The following CRBN variants were observed in gnomAD, a reference collection of about 807,000 sequenced individuals.
The protein encoded by CRBN is protein cereblon.
Under a neutral mutation model 62.2 loss-of-function variants are expected in CRBN, and 53 were observed. That is an observed-to-expected ratio of 0.85 (90% CI 0.68 to 1.07). The LOEUF is 1.07. Ranked by LOEUF, CRBN falls within the 50% of genes least tolerant of loss-of-function variation. CRBN has a pLI of 0.00. For synonymous variants in CRBN, 208 were observed against 176.1 expected (o/e 1.18, Z -1.43); for missense variants, 616 against 531.1 (o/e 1.16, Z -1.57).
At chr3:3,166,100 GT>G (rs1284656280) in intron 5 of CRBN, among the ~76,000 whole-genome samples, 1 of 152,088 alleles carries the variant, frequency 6.6e-6, no homozygotes, top group East Asian at 1.9e-4. Context: ...GTATTGCACG[GT>G]GATATGATCT....
At chr3:3,153,078 T>C (rs1706696362) in intron 9 of CRBN, 1 of 309,162 alleles carries the variant, frequency 3.2e-6, no homozygotes, top group Admixed American at 4.8e-5. Flanking sequence ...TTTGGCCCTA[T>C]ATGGCAAAAC....
intron 1 of CRBN, among the ~76,000 whole-genome samples, chr3:3,175,576 A>G (rs2126069635): frequency 6.6e-6 from 1 of 152,278 alleles, no homozygotes; most frequent in Non-Finnish European, 1.5e-5. Flanking sequence ...AGTATGGTAC[A>G]TTTGCCACAA....
At position 3,173,403 on chromosome 3, in the gene CRBN, T is replaced by G. The variant is rs144533372; in HGVS notation, c.378-478A>C. On this transcript the variant is annotated intron_variant, in intron 3 of 10. Coordinates refer to ENST00000231948, the MANE Select transcript of CRBN (RefSeq NM_016302.4). Reference sequence around the variant, plus strand: ...CACATGGGGGATATACAAGAAGGACTCAGGAAGTACAATTAGAGAACTTTA... The same window carrying G: ...CACATGGGGGATATACAAGAAGGACGCAGGAAGTACAATTAGAGAACTTTA... Among the ~76,000 whole-genome samples the G allele has an allele frequency of 8.5e-5, 13 of 152,270 alleles. No individual in the cohort carries two copies. In the East Asian group the frequency reaches 2.5e-3, roughly 29 times the overall value.
At chr3:3,178,957 G>C (rs1264949510) in intron 1 of CRBN, among the ~76,000 whole-genome samples, 1 of 151,220 alleles carries the variant, frequency 6.6e-6, no homozygotes, top group African/African-American at 2.4e-5. Context: ...ACAGGAAAAA[G>C]AAAAACTAAG....
intron 5 of CRBN, 106 bp downstream of exon 5, chr3:3,167,528 A>T (rs1164895126): frequency 9.1e-7 from 1 of 1,094,682 alleles, no homozygotes; most frequent in Admixed American, 1.9e-5. Context: ...ATTGCCATAC[A>T]AGGTGGCTGG....
rs760971031 is a variant in CRBN at position 3,156,201 on chromosome 3, T to G, written c.750+18A>C. ...ATGGCCTACCATATATAAAGTAAAT[T>G]TAAGGTAAGTTACTTACAGCATCAT... On this transcript the variant is annotated intron_variant, in intron 6 of 10. Transcript: ENST00000231948. 1 of 1,604,152 alleles carries G rather than the reference T, an allele frequency of 6.2e-7. No homozygotes were observed. Among genetic ancestry groups the G allele is most frequent in the Admixed American group, 1.7e-5 (1 of 59,978 alleles).
intron 4 of CRBN, among the ~76,000 whole-genome samples, chr3:3,171,005 A>C (rs1707585919): frequency 6.6e-6 from 1 of 152,098 alleles, no homozygotes; most frequent in Non-Finnish European, 1.5e-5. Flanking sequence ...GGGTTTCTCC[A>C]TGTTGGTCAG....
intron 10 of CRBN, 25 bp downstream of exon 10, chr3:3,152,431 A>AG (rs1559240710): frequency 6.2e-7 from 1 of 1,602,642 alleles, no homozygotes; most frequent in Admixed American, 1.7e-5. Flanking sequence ...AAGAAAAAAA[A>AG]AAGCAACCAC....
rs66844241 is a variant in CRBN at position 3,152,150 on chromosome 3, A to AT, written c.1148+305dup. Among the ~76,000 whole-genome samples, 158 of 147,132 alleles carry AT rather than the reference A, an allele frequency of 1.1e-3. 1 individual carries two copies. Among genetic ancestry groups the AT allele is most frequent in the South Asian group, 6.6e-3 (31 of 4,712 alleles). On this transcript the variant is annotated intron_variant, in intron 10 of 10. Transcript: ENST00000231948. ...TGTGGAATGAAGGACATTTAAATAAATTTTTTTTTTTTTTTAAATAGACAG... is the reference window on the plus strand; with the variant it reads ...TGTGGAATGAAGGACATTTAAATAAATTTTTTTTTTTTTTTTAAATAGACAG...
chr3:3,152,933 A>G (rs1032206291), intron 9 of CRBN: 1 of 325,644 alleles, frequency 3.1e-6, no homozygotes, highest in Non-Finnish European at 5.8e-6. Context: ...CTGTGTGGTC[A>G]TTTTGGGGCA....
At chr3:3,169,833 C>T (rs1023637679) in intron 4 of CRBN, among the ~76,000 whole-genome samples, 1 of 152,102 alleles carries the variant, frequency 6.6e-6, no homozygotes, top group South Asian at 2.1e-4. Context: ...TCCCCTCCTC[C>T]TCTCTACATG....
chr3:3,153,838 A>G, intron 8 of CRBN, 122 bp downstream of exon 8: 1 of 700,440 alleles, frequency 1.4e-6, no homozygotes. Flanking sequence ...ATCCCAATTG[A>G]AATCTGAATT....
At chr3:3,161,664 G>C (rs1259470755) in intron 5 of CRBN, among the ~76,000 whole-genome samples, 2 of 152,204 alleles carry the variant, frequency 1.3e-5, no homozygotes, top group East Asian at 3.9e-4. Context: ...TGGGATTACA[G>C]GCGTGAGCCA....
At chr3:3,178,087 T>G (rs1400914619) in intron 1 of CRBN, among the ~76,000 whole-genome samples, 1 of 152,032 alleles carries the variant, frequency 6.6e-6, no homozygotes, top group Non-Finnish European at 1.5e-5. Flanking sequence ...ACTCATCTCA[T>G]GCAGAGGCAC....
At chr3:3,177,501 TAAAA>T (rs1424892821) in intron 1 of CRBN, among the ~76,000 whole-genome samples, 1 of 152,138 alleles carries the variant, frequency 6.6e-6, no homozygotes, top group South Asian at 2.1e-4. Flanking sequence ...TTCACTGAGA[TAAAA>T]AAAGAGCTAT....
At chr3:3,175,292 GAAA>G in intron 1 of CRBN, 23 bp from the exon 2 acceptor site, 1 of 1,171,444 alleles carries the variant, frequency 8.5e-7, no homozygotes, top group Non-Finnish European at 1.2e-6. Context: ...AATATTGTAA[GAAA>G]AAAAAAAAGA....
Position 3,152,671 on chromosome 3 carries a change from C to T in CRBN, c.1017-84G>A. On this transcript the variant is annotated intron_variant, in intron 9 of 10. Transcript: ENST00000231948. ...TGCTTAGAATTTTATTGAAGTTCACCAAGAAATGAGGTATGAGCTATACAG... is the reference window on the plus strand; with the variant it reads ...TGCTTAGAATTTTATTGAAGTTCACTAAGAAATGAGGTATGAGCTATACAG... 2.0e-6 allele frequency: 3 copies of T among 1,511,308 alleles called. No individual in the cohort carries two copies. In the Admixed American group the frequency reaches 5.2e-5, roughly 26 times the overall value. The allele number at this position is 1,511,308 out of a possible 1,614,324, so 93.6% of individuals were successfully genotyped here.
chr3:3,158,189 TAAG>T (rs988940950), intron 5 of CRBN, among the ~76,000 whole-genome samples: 2 of 152,210 alleles, frequency 1.3e-5, no homozygotes, highest in African/African-American at 4.8e-5. Flanking sequence ...TAGATTCTCA[TAAG>T]GAGCACGCAG....
In CRBN at chr3:3,154,171, T is replaced by G. The variant is rs535207566; in HGVS notation, c.836-96A>C. On this transcript the variant is annotated intron_variant, in intron 7 of 10. Transcript: ENST00000231948. Reference sequence around the variant, plus strand: ...AATATCCTTTTGAAATAAACCCTTCTCTTTAAGGTTACACATTTTATACAA... The same window carrying G: ...AATATCCTTTTGAAATAAACCCTTCGCTTTAAGGTTACACATTTTATACAA... 2.3e-5 allele frequency: 17 copies of G among 753,554 alleles called. No individual in the cohort carries two copies. In the East Asian group the frequency reaches 4.1e-4, roughly 18 times the overall value. The allele number at this position is 753,554 out of a possible 1,614,324, so 46.7% of individuals were successfully genotyped here. A position where few individuals can be genotyped will look rare whatever the true frequency, so the allele number is the denominator to read the frequency against.
Sources: allele counts gnomAD v4.1 joint callset (sites outside exome capture counted in the v4.1 genomes callset), GRCh38; gene constraint gnomAD v4.1.1; transcripts MANE v1.5; gene names NCBI Gene and HGNC (gene_info 2026-07-23, HGNC 2026-07-21).